CMSS1: variants seen among roughly 807,000 people sequenced by gnomAD.
CMSS1 encodes protein CMSS1.
Under a neutral mutation model 43.5 loss-of-function variants are expected in CMSS1, and 33 were observed. That is an observed-to-expected ratio of 0.76 (90% CI 0.57 to 1.01). The LOEUF (loss-of-function observed/expected upper bound fraction) is 1.01, where lower values mean the gene tolerates loss of function less well. Ranked by LOEUF, CMSS1 falls within the 50% of genes least tolerant of loss-of-function variation. The pLI, the probability that CMSS1 is intolerant of heterozygous loss-of-function variation, is 0.00. For synonymous variants in CMSS1, 115 were observed against 117.2 expected, an observed-to-expected ratio of 0.98 and a Z score of 0.12; for missense variants, 313 against 326.4, an observed-to-expected ratio of 0.96 and a Z score of 0.32.
At chr3:100,161,375 A>G (rs1049537998) in intron 3 of CMSS1, among the ~76,000 whole-genome samples, 44 of 152,308 alleles carry the variant, frequency 2.9e-4, no homozygotes, top group African/African-American at 1.1e-3. Flanking sequence ...TTGTACACTA[A>G]TGGCCTTCTG....
intron 1 of CMSS1, among the ~76,000 whole-genome samples, chr3:100,068,148 A>C (rs1003053700): frequency 2.0e-5 from 3 of 152,278 alleles, no homozygotes; most frequent in South Asian, 2.1e-4. Context: ...ATGCACATTT[A>C]ATCAAAGAAA....
At chr3:99,849,025 G>A (rs1218084838) in intron 1 of CMSS1, 1 of 1,614,106 alleles carries the variant, frequency 6.2e-7, no homozygotes, top group South Asian at 1.1e-5. Context: ...CACAAAGTTG[G>A]CATTGGGTTT....
At chr3:99,999,598 A>G (rs1309276998) in intron 1 of CMSS1, among the ~76,000 whole-genome samples, 1 of 152,182 alleles carries the variant, frequency 6.6e-6, no homozygotes. Flanking sequence ...TGAGTCTTGA[A>G]TCTGTTAGAG....
At chr3:99,868,266 G>T (rs1233375254) in intron 1 of CMSS1, among the ~76,000 whole-genome samples, 6 of 150,330 alleles carry the variant, frequency 4.0e-5, no homozygotes, top group African/African-American at 1.5e-4. Context: ...AAGGTAAAGG[G>T]TAACCTCTCC....
chr3:99,883,199 C>T (rs1027832359), intron 1 of CMSS1, among the ~76,000 whole-genome samples: 14 of 152,132 alleles, frequency 9.2e-5, no homozygotes, highest in African/African-American at 2.9e-4. Flanking sequence ...TAATCAGTGC[C>T]GAACAGCTCC....
chr3:100,067,899 T>G (rs1293014778), intron 1 of CMSS1, among the ~76,000 whole-genome samples: 1 of 151,772 alleles, frequency 6.6e-6, no homozygotes, highest in Non-Finnish European at 1.5e-5. Context: ...AGTAAACAGA[T>G]GCAATCAAAG....
chr3:99,998,003 A>T (rs751742067), intron 1 of CMSS1, among the ~76,000 whole-genome samples: 4 of 152,252 alleles, frequency 2.6e-5, no homozygotes, highest in Admixed American at 1.3e-4. Context: ...CTGCTAGAGC[A>T]TAGAGCTAAA....
intron 1 of CMSS1, among the ~76,000 whole-genome samples, chr3:100,035,039 G>A (rs937011698): frequency 2.0e-5 from 3 of 152,084 alleles, no homozygotes; most frequent in Admixed American, 2.0e-4. Flanking sequence ...TCTCCAGATA[G>A]CTTGAAGACC....
At chr3:99,891,433 T>C (rs1220944644) in intron 1 of CMSS1, among the ~76,000 whole-genome samples, 1 of 152,236 alleles carries the variant, frequency 6.6e-6, no homozygotes, top group Non-Finnish European at 1.5e-5. Context: ...TGTGCTTTGC[T>C]TTACCTTTCT....
At chr3:99,818,113 G>A in intron 1 of CMSS1, 70 bp downstream of exon 1, 3 of 1,474,418 alleles carry the variant, frequency 2.0e-6, no homozygotes, top group East Asian at 2.3e-5. Context: ...AGCCCTGGTC[G>A]CTTCTGGCGA....
At chr3:100,076,444 C>G (rs1233197232) in intron 1 of CMSS1, among the ~76,000 whole-genome samples, 2 of 152,186 alleles carry the variant, frequency 1.3e-5, no homozygotes, top group Admixed American at 6.5e-5. Flanking sequence ...TGTGCTGAGC[C>G]CCTCTGATGG....
chr3:99,949,362 C>A (rs1708109297), intron 1 of CMSS1, among the ~76,000 whole-genome samples: 1 of 152,162 alleles, frequency 6.6e-6, no homozygotes, highest in Non-Finnish European at 1.5e-5. Context: ...CAACTGGCTT[C>A]TTGGTTAAAT....
chr3:99,979,152 C>T (rs1458696641), intron 1 of CMSS1, among the ~76,000 whole-genome samples: 1 of 152,170 alleles, frequency 6.6e-6, no homozygotes, highest in Non-Finnish European at 1.5e-5. Context: ...CTGATTTGAT[C>T]ATTACACACT....
At chr3:99,824,968 A>G (rs1231377716) in intron 1 of CMSS1, among the ~76,000 whole-genome samples, 1 of 152,222 alleles carries the variant, frequency 6.6e-6, no homozygotes, top group African/African-American at 2.4e-5. Flanking sequence ...CCTTCTGGAA[A>G]TGGAGTAGGG....
chr3:100,083,040 A>G (rs2065955809), intron 1 of CMSS1, among the ~76,000 whole-genome samples: 1 of 152,226 alleles, frequency 6.6e-6, no homozygotes, highest in African/African-American at 2.4e-5. Context: ...TCTACTGGCT[A>G]TATTTATGAA....
intron 1 of CMSS1, among the ~76,000 whole-genome samples, chr3:99,877,820 C>T (rs370024717): frequency 6.6e-6 from 1 of 152,132 alleles, no homozygotes; most frequent in Non-Finnish European, 1.5e-5. Context: ...GATGCATAAA[C>T]ACCTGAATCT....
At chr3:100,081,116 T>A (rs998641324) in intron 1 of CMSS1, among the ~76,000 whole-genome samples, 6 of 152,238 alleles carry the variant, frequency 3.9e-5, no homozygotes, top group Middle Eastern at 6.3e-3. Flanking sequence ...CCTTATTTGA[T>A]GAGCCTTAAT....
At chr3:100,050,665 G>A (rs1229275298) in intron 1 of CMSS1, among the ~76,000 whole-genome samples, 1 of 152,032 alleles carries the variant, frequency 6.6e-6, no homozygotes, top group Non-Finnish European at 1.5e-5. Context: ...CAAGTAGCTG[G>A]GATTACAGGT....
chr3:99,935,891 A>G (rs1707650289), intron 1 of CMSS1, among the ~76,000 whole-genome samples: 1 of 152,186 alleles, frequency 6.6e-6, no homozygotes, highest in African/African-American at 2.4e-5. Flanking sequence ...AGAGTTTGTA[A>G]TTATTTACTT....
Sources: allele counts gnomAD v4.1 joint callset (sites outside exome capture counted in the v4.1 genomes callset), GRCh38; gene constraint gnomAD v4.1.1; transcripts MANE v1.5; gene names NCBI Gene and HGNC (gene_info 2026-07-23, HGNC 2026-07-21).